The following SIPA1L1 variants were observed in gnomAD, a reference collection of about 807,000 sequenced individuals.
The protein encoded by SIPA1L1 is signal induced proliferation associated 1 like 1, also known as signal-induced proliferation-associated 1-like protein 1.
In SIPA1L1, 26 loss-of-function variants were observed where a neutral mutation model predicts 162.7. That is an observed-to-expected ratio of 0.16 (90% CI 0.12 to 0.22). The LOEUF (loss-of-function observed/expected upper bound fraction) is 0.22, where lower values mean the gene tolerates loss of function less well. Ranked by LOEUF, SIPA1L1 falls within the 10% of genes least tolerant of loss-of-function variation. SIPA1L1 has a pLI of 1.00. For synonymous variants in SIPA1L1, 829 were observed against 837.4 expected, an observed-to-expected ratio of 0.99 and a Z score of 0.17; for missense variants, 1,874 against 2,241.0, an observed-to-expected ratio of 0.84 and a Z score of 3.31.
At chr14:71,476,634 C>G (rs2047876712) in intron 2 of SIPA1L1, among the ~76,000 whole-genome samples, 1 of 150,876 alleles carries the variant, frequency 6.6e-6, no homozygotes, top group African/African-American at 2.4e-5. Flanking sequence ...AATAACAAAT[C>G]TGTCAATTTG....
chr14:71,471,776 G>T (rs975955502), intron 2 of SIPA1L1, among the ~76,000 whole-genome samples: 1 of 152,220 alleles, frequency 6.6e-6, no homozygotes, highest in Non-Finnish European at 1.5e-5. Flanking sequence ...TAAGTTTGAC[G>T]TGCTTGGGAG....
intron 2 of SIPA1L1, among the ~76,000 whole-genome samples, chr14:71,464,735 T>C (rs1221084056): frequency 1.3e-5 from 2 of 152,222 alleles, no homozygotes; most frequent in African/African-American, 2.4e-5. Flanking sequence ...TCTATGTTCC[T>C]TCCACTATTA....
chr14:71,634,230 G>A (rs1200337910), intron 7 of SIPA1L1, among the ~76,000 whole-genome samples: 1 of 151,814 alleles, frequency 6.6e-6, no homozygotes, highest in Non-Finnish European at 1.5e-5. Flanking sequence ...GCGAAACCCT[G>A]TGTCTACTAA....
chr14:71,404,300 A>T (rs1045652359), intron 2 of SIPA1L1, among the ~76,000 whole-genome samples: 3 of 152,166 alleles, frequency 2.0e-5, no homozygotes, highest in African/African-American at 4.8e-5. Flanking sequence ...CCTACCTGTA[A>T]TCCCAGCACT....
At chr14:71,390,637 T>G (rs549697852) in intron 2 of SIPA1L1, among the ~76,000 whole-genome samples, 1 of 152,056 alleles carries the variant, frequency 6.6e-6, no homozygotes. Context: ...AAAAAAAAAT[T>G]AGCCGTGCAT....
At chr14:71,382,825 T>C (rs1325722753) in intron 2 of SIPA1L1, among the ~76,000 whole-genome samples, 2 of 152,196 alleles carry the variant, frequency 1.3e-5, no homozygotes, top group African/African-American at 2.4e-5. Flanking sequence ...CAGTAAGATA[T>C]AGTTTCTGCT....
rs749325240 is a variant in SIPA1L1, at chr14:71,489,701, TA to T, written c.-464-23029del. 6.5e-3 allele frequency among the ~76,000 whole-genome samples: 899 copies of T among 137,928 alleles called. 4 individuals are homozygous for T. The highest frequency in any genetic ancestry group is 0.01 in the African/African-American group (384 of 37,634). 90.5% of individuals were successfully genotyped at this position (137,928 alleles called of 152,430 possible). A position where few individuals can be genotyped will look rare whatever the true frequency, so the allele number is the denominator to read the frequency against. ...TAACACTAATGATAGCTGATTAGCT[TA>T]AAAAAAAAAAAAGAAAAAAAGAAAA... On this transcript the variant is annotated intron_variant, in intron 2 of 23. Coordinates refer to ENST00000381232, the MANE Select transcript of SIPA1L1 (RefSeq NM_001386936.1).
chr14:71,329,906 T>C (rs542556779), intron 2 of SIPA1L1, among the ~76,000 whole-genome samples: 182 of 152,212 alleles, frequency 1.2e-3, no homozygotes, highest in African/African-American at 4.2e-3. Context: ...GAGGAAGGGG[T>C]GAAAACAGGT....
intron 2 of SIPA1L1, among the ~76,000 whole-genome samples, chr14:71,328,372 T>C (rs1472685893): frequency 6.6e-6 from 1 of 152,156 alleles, no homozygotes; most frequent in Non-Finnish European, 1.5e-5. Context: ...GAGTAGAGAA[T>C]CACATGAACC....
chr14:71,575,676 T>A (rs2032910125), intron 4 of SIPA1L1, among the ~76,000 whole-genome samples: 2 of 152,346 alleles, frequency 1.3e-5, no homozygotes, highest in South Asian at 2.1e-4. Flanking sequence ...TTTTAAATAG[T>A]CGATTCTATT....
chr14:71,733,878 C>T (rs2085035961), intron 21 of SIPA1L1, 66 bp downstream of exon 21: 1 of 1,515,344 alleles, frequency 6.6e-7, no homozygotes, highest in East Asian at 2.3e-5. Context: ...TCTCCATCCA[C>T]TCTACTTCTC....
At chr14:71,505,472 A>G (rs1281494174) in intron 2 of SIPA1L1, among the ~76,000 whole-genome samples, 1 of 148,382 alleles carries the variant, frequency 6.7e-6, no homozygotes, top group Non-Finnish European at 1.5e-5. Context: ...CTCTGTGTCA[A>G]TCTTGTTATC....
intron 13 of SIPA1L1, among the ~76,000 whole-genome samples, chr14:71,686,631 C>CCT (rs2080885652): frequency 6.6e-6 from 1 of 152,136 alleles, no homozygotes; most frequent in African/African-American, 2.4e-5. Flanking sequence ...GCAACCTCTG[C>CCT]CTCCCAGGTT....
At chr14:71,658,497 G>A in intron 9 of SIPA1L1, 61 bp downstream of exon 9, 2 of 1,095,544 alleles carry the variant, frequency 1.8e-6, no homozygotes, top group Non-Finnish European at 2.8e-6. Flanking sequence ...AGAAGCCTAA[G>A]TGGCAAGTTT....
chr14:71,602,807 G>C (rs1162390343), intron 5 of SIPA1L1, among the ~76,000 whole-genome samples: 1 of 152,188 alleles, frequency 6.6e-6, no homozygotes, highest in Non-Finnish European at 1.5e-5. Flanking sequence ...AATTCTCATA[G>C]GAGCGCAAAT....
intron 2 of SIPA1L1, among the ~76,000 whole-genome samples, chr14:71,335,328 A>G (rs1454867035): frequency 2.0e-5 from 3 of 152,182 alleles, no homozygotes; most frequent in Non-Finnish European, 4.4e-5. Flanking sequence ...TCTTTAGCCA[A>G]CAGATGTGGT....
intron 7 of SIPA1L1, among the ~76,000 whole-genome samples, chr14:71,640,363 A>G (rs1452935199): frequency 6.6e-6 from 1 of 152,192 alleles, no homozygotes; most frequent in Non-Finnish European, 1.5e-5. Context: ...TTGATCTAGA[A>G]AGAAAAAAAA....
At chr14:71,513,153 TA>T (rs1334364333) in intron 3 of SIPA1L1, among the ~76,000 whole-genome samples, 1 of 152,132 alleles carries the variant, frequency 6.6e-6, no homozygotes, top group African/African-American at 2.4e-5. Context: ...TGGTTCAGAG[TA>T]AATCTTTTCA....
intron 2 of SIPA1L1, among the ~76,000 whole-genome samples, chr14:71,357,967 A>C (rs1020969773): frequency 6.6e-6 from 1 of 152,130 alleles, no homozygotes; most frequent in African/African-American, 2.4e-5. Flanking sequence ...CCTGACCTCA[A>C]GTGAGTGGTC....
Sources: allele counts gnomAD v4.1 joint callset (sites outside exome capture counted in the v4.1 genomes callset), GRCh38; gene constraint gnomAD v4.1.1; transcripts MANE v1.5; gene names NCBI Gene and HGNC (gene_info 2026-07-23, HGNC 2026-07-21).